Variants in SYT13 observed in about 807,000 individuals in gnomAD.
SYT13 encodes the protein synaptotagmin-13.
A neutral mutation model predicts 38.6 loss-of-function variants in SYT13; 21 were observed. The observed-to-expected ratio is 0.54, with a 90% CI of 0.39 to 0.78. SYT13 has a LOEUF of 0.78. Among genes scored for constraint, SYT13 ranks in the 30% least tolerant of loss-of-function variants. SYT13 has a pLI of 0.00. For missense variants in SYT13, 495 were observed against 548.7 expected (o/e 0.90, Z 0.98); for synonymous variants, 241 against 237.6 (o/e 1.01, Z -0.13).
intron 4 of SYT13, 148 bp from the exon 5 acceptor site, chr11:45,246,660 C>G (rs1263012509): frequency 1.7e-6 from 2 of 1,186,016 alleles, no homozygotes; most frequent in African/African-American, 1.5e-5. Flanking sequence ...GGTGTCCACC[C>G]TTGCAGAAGA....
chr11:45,264,975 T>G (rs1278415228), intron 1 of SYT13, among the ~76,000 whole-genome samples: 1 of 152,196 alleles, frequency 6.6e-6, no homozygotes, highest in Admixed American at 6.5e-5. Flanking sequence ...TCAACAGTTT[T>G]TATCCACTCC....
At chr11:45,261,434 A>T (rs751655668) in intron 1 of SYT13, among the ~76,000 whole-genome samples, 3 of 152,016 alleles carry the variant, frequency 2.0e-5, no homozygotes, top group Non-Finnish European at 4.4e-5. Flanking sequence ...TACTAAAAAC[A>T]CACACACACA....
Position 45,286,111 on chromosome 11 carries a change from T to C in SYT13, c.97A>G (p.Met33Val), listed in dbSNP as rs764765031. Reference protein sequence around the residue: ...LCGVTCLCRHMHPKKGLLPRD... With the variant: ...LCGVTCLCRHVHPKKGLLPRD... ...GGCAGCAGCCCCTTCTTGGGGTGCATGTGCCGACACAGGCAGGTGACCCCG... is the reference window on the plus strand; with the variant it reads ...GGCAGCAGCCCCTTCTTGGGGTGCACGTGCCGACACAGGCAGGTGACCCCG... Residue 33 changes from methionine to valine, a missense_variant, in exon 1 of 6, where the codon ATG becomes GTG. Physicochemically the swap from Met to Val is conservative, Grantham distance 21. Coordinates refer to ENST00000020926, the MANE Select transcript of SYT13 (RefSeq NM_020826.3). 12 of 1,603,862 alleles carry C rather than the reference T, an allele frequency of 7.5e-6. No homozygotes were observed. The highest frequency in any genetic ancestry group is 1.7e-4 in the Middle Eastern group (1 of 6,030).
intron 1 of SYT13, among the ~76,000 whole-genome samples, chr11:45,278,263 C>T (rs1855032833): frequency 6.6e-6 from 1 of 152,112 alleles, no homozygotes; most frequent in African/African-American, 2.4e-5. Context: ...CCTGGGAGTA[C>T]TGAATACAGT....
In SYT13 at chr11:45,286,297, G is replaced by T; in HGVS notation, c.-90C>A. The T allele has an allele frequency of 2.9e-6, 4 of 1,395,916 alleles. No individual in the cohort carries two copies. The South Asian group carries it at 6.0e-5, about 21-fold the overall frequency. 86.5% of individuals were successfully genotyped at this position (1,395,916 alleles called of 1,614,324 possible). A position where few individuals can be genotyped will look rare whatever the true frequency, so the allele number is the denominator to read the frequency against. ...TCCAGGCAGCTCCCGGGATCCGGGC[G>T]AGCCAGCAGCTCTCCCGCCGCCAGA... On this transcript the variant is annotated 5_prime_UTR_variant, in exon 1 of 6. Coordinates refer to ENST00000020926, the MANE Select transcript of SYT13 (RefSeq NM_020826.3).
Position 45,243,724 on chromosome 11 carries a change from C to A in SYT13, c.*328G>T, listed in dbSNP as rs1327755917. The A allele has an allele frequency of 8.1e-6, 2 of 246,286 alleles. No homozygotes were observed. Among genetic ancestry groups the A allele is most frequent in the Non-Finnish European group, 1.5e-5 (2 of 129,708 alleles). The allele number at this position is 246,286 out of a possible 1,614,324, so 15.3% of individuals were successfully genotyped here. The stretch of plus-strand genomic sequence containing the variant: ...TGCTTGTTTTTCAAAAAGCCAAATT[C>A]TTCTTTGCATCCATGATTCCCACAT... On this transcript the variant is annotated 3_prime_UTR_variant, in exon 6 of 6. Coordinates refer to ENST00000020926, the MANE Select transcript of SYT13 (RefSeq NM_020826.3).
rs1854547812 is a variant in SYT13 at position 45,241,345 on chromosome 11, A to G, written c.*2707T>C. 1 of 152,192 alleles carries G rather than the reference A, an allele frequency of 6.6e-6. No individual in the cohort carries two copies. The highest frequency in any genetic ancestry group is 1.5e-5 in the Non-Finnish European group (1 of 68,040). The allele number at this position is 152,192 out of a possible 1,614,324, so 9.4% of individuals were successfully genotyped here. ...TATCCCAGGCACTTAGAATACAGTG[A>G]ACATAACAGACAACTCTCCTTCAAA... On this transcript the variant is annotated 3_prime_UTR_variant, in exon 6 of 6. Transcript: ENST00000020926.
At position 45,240,794 on chromosome 11, in the gene SYT13, C is replaced by T. The variant is rs1415378892; in HGVS notation, c.*3258G>A. On this transcript the variant is annotated 3_prime_UTR_variant, in exon 6 of 6. Coordinates refer to ENST00000020926, the MANE Select transcript of SYT13 (RefSeq NM_020826.3). ...CAGATCACCTTTTTGAGCAACAGTG[C>T]ATTCTGAAATGGTCTCTCACCTTAT... 1 of 152,228 alleles carries T rather than the reference C, an allele frequency of 6.6e-6. No individual in the cohort carries two copies. Among genetic ancestry groups the T allele is most frequent in the Non-Finnish European group, 1.5e-5 (1 of 68,036 alleles). The allele number at this position is 152,228 out of a possible 1,614,324, so 9.4% of individuals were successfully genotyped here.
At chr11:45,268,900 G>A (rs1854916224) in intron 1 of SYT13, among the ~76,000 whole-genome samples, 1 of 152,160 alleles carries the variant, frequency 6.6e-6, no homozygotes, top group South Asian at 2.1e-4. Flanking sequence ...AAAAGGCATG[G>A]CCAACACTGA....
Position 45,286,070 on chromosome 11 carries a change from G to A in SYT13, c.138C>T (p.Pro46=), listed in dbSNP as rs2135915677. ...AGCTGGGCTTCGCCTTCTCCAGGTC[G>A]GGGTCCTGGTCCCGCGGCAGCAGCC... ...KKGLLPRDQD[P]DLEKAKPSLL... The change falls in exon 1 of 6, where the codon CCC becomes CCT. Residue 46 remains proline (P), a synonymous_variant. Transcript: ENST00000020926. 2 of 1,609,662 alleles carry A rather than the reference G, an allele frequency of 1.2e-6. No homozygotes were observed. The highest frequency in any genetic ancestry group is 1.7e-6 in the Non-Finnish European group (2 of 1,179,492).
chr11:45,254,968 T>TA (rs1565380899), intron 2 of SYT13, among the ~76,000 whole-genome samples: 19 of 151,620 alleles, frequency 1.3e-4, no homozygotes, highest in African/African-American at 4.6e-4. Context: ...AAGCAAAAAT[T>TA]ATCTGGGCAT....
chr11:45,244,151 G>T lies in SYT13; in HGVS notation c.1182C>A (p.Ser394Arg), dbSNP rs141146129. 1.2e-5 allele frequency: 20 copies of T among 1,613,732 alleles called. No homozygotes were observed. Among genetic ancestry groups the T allele is most frequent in the Non-Finnish European group, 1.5e-5 (18 of 1,180,056 alleles). ...CAGAGCCCGAGGTGTGCAGGCCCAG[G>T]CTGCAGTGGCCAAGCGCACAGCTCT... ...SGQSCALGHC[S>R]LGLHTSGSER... The change falls in exon 6 of 6, where the codon AGC (serine) becomes AGA (arginine). Residue 394 changes from serine to arginine, a missense_variant. By Grantham distance (110) the Ser-to-Arg change is moderately radical. Transcript: ENST00000020926.
intron 1 of SYT13, among the ~76,000 whole-genome samples, chr11:45,282,604 A>G (rs909864777): frequency 2.6e-5 from 4 of 152,218 alleles, no homozygotes; most frequent in African/African-American, 9.6e-5. Context: ...ATGAGAGATG[A>G]GTGTAAATCT....
chr11:45,263,324 T>C (rs1476711877), intron 1 of SYT13, among the ~76,000 whole-genome samples: 1 of 152,236 alleles, frequency 6.6e-6, no homozygotes, highest in Non-Finnish European at 1.5e-5. Context: ...TAATGATCTG[T>C]AAACAAACGT....
At chr11:45,277,667 A>G (rs1452611023) in intron 1 of SYT13, among the ~76,000 whole-genome samples, 1 of 151,014 alleles carries the variant, frequency 6.6e-6, no homozygotes, top group Non-Finnish European at 1.5e-5. Context: ...GCACAGGCTC[A>G]TTTCTCTGTG....
chr11:45,282,963 C>T (rs934175080), intron 1 of SYT13, among the ~76,000 whole-genome samples: 3 of 152,112 alleles, frequency 2.0e-5, no homozygotes, highest in East Asian at 1.9e-4. Flanking sequence ...GCCTAGGCAA[C>T]ATGGTGAGCC....
chr11:45,264,087 T>C (rs976785808), intron 1 of SYT13, among the ~76,000 whole-genome samples: 3 of 152,202 alleles, frequency 2.0e-5, no homozygotes, highest in Non-Finnish European at 2.9e-5. Flanking sequence ...GTTACTTTTT[T>C]ACTCATTTGT....
intron 5 of SYT13, among the ~76,000 whole-genome samples, chr11:45,245,027 G>A (rs1163791471): frequency 6.6e-6 from 1 of 152,194 alleles, no homozygotes; most frequent in Non-Finnish European, 1.5e-5. Flanking sequence ...ATGTTTGTCT[G>A]TTATCAAAAT....
At chr11:45,247,448 G>C (rs1271739536) in intron 4 of SYT13, among the ~76,000 whole-genome samples, 2 of 152,168 alleles carry the variant, frequency 1.3e-5, no homozygotes, top group Non-Finnish European at 2.9e-5. Flanking sequence ...GTGGGAGTGG[G>C]GGAAGGCCCC....
Sources: allele counts gnomAD v4.1 joint callset (sites outside exome capture counted in the v4.1 genomes callset), GRCh38; gene constraint gnomAD v4.1.1; transcripts MANE v1.5; gene names NCBI Gene and HGNC (gene_info 2026-07-23, HGNC 2026-07-21).